Variants in FOXN3 observed in about 807,000 individuals in gnomAD.
The protein encoded by FOXN3 is forkhead box N3.
FOXN3 carries 7 observed loss-of-function variants against 38.4 expected under a neutral mutation model. That is an observed-to-expected ratio of 0.18 (90% CI 0.10 to 0.34). The LOEUF (loss-of-function observed/expected upper bound fraction) is 0.34, where lower values mean the gene tolerates loss of function less well. Ranked by LOEUF, FOXN3 falls within the 10% of genes least tolerant of loss-of-function variation. The pLI is 1.00. For synonymous variants in FOXN3, 230 were observed against 242.2 expected, an observed-to-expected ratio of 0.95 and a Z score of 0.47; for missense variants, 456 against 613.4, an observed-to-expected ratio of 0.74 and a Z score of 2.71.
chr14:89,180,685 C>A lies in FOXN3; in HGVS notation c.851+16G>T, dbSNP rs370301252. The A allele has an allele frequency of 9.5e-6, 15 of 1,580,932 alleles. No homozygotes were observed. The highest frequency in any genetic ancestry group is 1.7e-5 in the Admixed American group (1 of 57,616). ...CACTCCCCAGGCTGGCTCTGCCCAG[C>A]GCACTCCCCACTTACCTCATGGCCG... is the stretch of plus-strand genomic sequence containing the variant. On this transcript the variant is annotated intron_variant, in intron 5 of 5. Coordinates refer to ENST00000557258, the MANE Select transcript of FOXN3 (RefSeq NM_005197.4).
intron 1 of FOXN3, among the ~76,000 whole-genome samples, chr14:89,584,519 G>A (rs67515458): frequency 0.2 from 30,454 of 152,080 alleles, 3,927 homozygotes; most frequent in East Asian, 0.43. Flanking sequence ...GAGAGTTTCC[G>A]TTTCTTTACA....
intron 1 of FOXN3, among the ~76,000 whole-genome samples, chr14:89,455,463 G>A (rs181631095): frequency 1.3e-5 from 2 of 152,290 alleles, no homozygotes; most frequent in Admixed American, 6.5e-5. Context: ...CCATCTAATG[G>A]GTGGGGGCAG....
intron 1 of FOXN3, among the ~76,000 whole-genome samples, chr14:89,513,352 G>A (rs1894135341): frequency 6.6e-6 from 1 of 151,584 alleles, no homozygotes. Flanking sequence ...AGCCTCCTGA[G>A]CAGCTGGGAC....
In FOXN3 at chr14:89,511,141, T is replaced by TTTTCTTTTCTTTCTTTCTTTCTTTC. The variant is rs1894051126; in HGVS notation, c.-14-98652_-14-98651insGAAAGAAAGAAAGAAAGAAAAGAAA. 8.7e-3 allele frequency among the ~76,000 whole-genome samples: 183 copies of TTTTCTTTTCTTTCTTTCTTTCTTTC among 21,002 alleles called. 43 individuals carry two copies. Among genetic ancestry groups the TTTTCTTTTCTTTCTTTCTTTCTTTC allele is most frequent in the Non-Finnish European group, 0.025 (138 of 5,424 alleles). 13.8% of individuals were successfully genotyped at this position (21,002 alleles called of 152,430 possible). On this transcript the variant is annotated intron_variant, in intron 1 of 6. Transcript: ENST00000345097. ...CTTGGTGTCTTTCTTTCTTTCTTTC[T>TTTTCTTTTCTTTCTTTCTTTCTTTC]TTTCTTTCTTTCTTTCTTTCTTTCT...
chr14:89,421,032 A>C (rs1384070727), upstream of FOXN3, among the ~76,000 whole-genome samples: 1 of 151,098 alleles, frequency 6.6e-6, no homozygotes, highest in Non-Finnish European at 1.5e-5. Context: ...CTGTTTAAGA[A>C]AAAAAAAAAT....
At chr14:89,274,655 C>A (rs1396814126) in intron 4 of FOXN3, among the ~76,000 whole-genome samples, 1 of 152,166 alleles carries the variant, frequency 6.6e-6, no homozygotes, top group South Asian at 2.1e-4. Context: ...TGCTAAAGCC[C>A]GTGCTCCTTC....
At chr14:89,257,858 C>T (rs778848119) in intron 4 of FOXN3, among the ~76,000 whole-genome samples, 2 of 152,164 alleles carry the variant, frequency 1.3e-5, no homozygotes, top group Non-Finnish European at 2.9e-5. Flanking sequence ...ATTTTAACCT[C>T]AGAGCAATGC....
chr14:89,555,880 TGG>T lies in FOXN3; in HGVS notation c.-15+63146_-15+63147del, dbSNP rs57759148. 3.0e-3 allele frequency among the ~76,000 whole-genome samples: 303 copies of T among 99,700 alleles called. 39 individuals carry two copies. The East Asian group carries it at 0.034, about 11-fold the overall frequency. 65.4% of individuals were successfully genotyped at this position (99,700 alleles called of 152,430 possible). On this transcript the variant is annotated intron_variant, in intron 1 of 6. Transcript: ENST00000345097. Reference sequence around the variant, plus strand: ...GTGTGTGTGTGTGTGTGTGTGTATGTGGGGGTGTATGTGGGGGTGTGTGTGTT... The same window carrying T: ...GTGTGTGTGTGTGTGTGTGTGTATGTGGGTGTATGTGGGGGTGTGTGTGTT...
At position 89,159,839 on chromosome 14, in the gene FOXN3, C is replaced by G. The variant is rs1038468225; in HGVS notation, c.*2575G>C. 1 of 152,148 alleles carries G rather than the reference C, an allele frequency of 6.6e-6. No individual in the cohort carries two copies. Among genetic ancestry groups the G allele is most frequent in the African/African-American group, 2.4e-5 (1 of 41,412 alleles). 9.4% of individuals were successfully genotyped at this position (152,148 alleles called of 1,614,324 possible). A position where few individuals can be genotyped will look rare whatever the true frequency, so the allele number is the denominator to read the frequency against. The stretch of plus-strand genomic sequence containing the variant: ...GGGAGACGGAGGGAACAGAGCACTG[C>G]GAAGATACTTTATTCCCACCTACAC... On this transcript the variant is annotated 3_prime_UTR_variant, in exon 6 of 6. Transcript: ENST00000557258.
chr14:89,278,721 A>G (rs1158807836), intron 4 of FOXN3, among the ~76,000 whole-genome samples: 1 of 152,178 alleles, frequency 6.6e-6, no homozygotes, highest in East Asian at 1.9e-4. Flanking sequence ...CTATTAACAG[A>G]GTTCCCTACT....
At chr14:89,219,155 AGGGAGGTGGT>A (rs1884375319) in intron 4 of FOXN3, among the ~76,000 whole-genome samples, 2 of 152,038 alleles carry the variant, frequency 1.3e-5, no homozygotes, top group Admixed American at 1.3e-4. Flanking sequence ...ATGTCAGGGG[AGGGAGGTGGT>A]GGGAGGTGAC....
intron 3 of FOXN3, among the ~76,000 whole-genome samples, chr14:89,344,268 A>G (rs78026524): frequency 1.4e-5 from 1 of 71,916 alleles, no homozygotes; most frequent in African/African-American, 1.0e-4. Flanking sequence ...CTCATTAAAG[A>G]AAAAAAAAAA....
chr14:89,567,255 G>A (rs141776161), intron 1 of FOXN3, among the ~76,000 whole-genome samples: 2 of 152,266 alleles, frequency 1.3e-5, no homozygotes, highest in Non-Finnish European at 2.9e-5. Context: ...CTCTGAATAA[G>A]CTGGAAATGT....
intron 3 of FOXN3, among the ~76,000 whole-genome samples, chr14:89,302,349 T>C (rs1364332764): frequency 6.6e-6 from 1 of 152,214 alleles, no homozygotes; most frequent in East Asian, 1.9e-4. Flanking sequence ...CTTTACAAAA[T>C]GTGGTAGCAC....
chr14:89,205,534 C>A (rs1888358425), intron 4 of FOXN3, among the ~76,000 whole-genome samples: 1 of 152,188 alleles, frequency 6.6e-6, no homozygotes, highest in Non-Finnish European at 1.5e-5. Context: ...TTAAGAGGAG[C>A]AGAACAACAC....
intron 3 of FOXN3, among the ~76,000 whole-genome samples, chr14:89,333,986 A>ATATC (rs1888350859): frequency 2.6e-5 from 3 of 115,530 alleles, no homozygotes; most frequent in African/African-American, 1.2e-4. Context: ...ATATATATAT[A>ATATC]TATATATATA....
intron 4 of FOXN3, among the ~76,000 whole-genome samples, chr14:89,181,443 T>G (rs1233298608): frequency 6.6e-6 from 1 of 152,134 alleles, no homozygotes; most frequent in East Asian, 1.9e-4. Context: ...TTATCTCTCG[T>G]AAAAGCCGAT....
chr14:89,454,247 T>TGAGCCGAGG (rs1468078512), intron 1 of FOXN3, among the ~76,000 whole-genome samples: 3 of 152,136 alleles, frequency 2.0e-5, no homozygotes, highest in African/African-American at 7.2e-5. Flanking sequence ...GAGGTTGCAG[T>TGAGCCGAGG]GAGCCGAGAT....
At chr14:89,232,426 TC>T (rs1206206538) in intron 4 of FOXN3, among the ~76,000 whole-genome samples, 2 of 152,198 alleles carry the variant, frequency 1.3e-5, no homozygotes, top group African/African-American at 4.8e-5. Flanking sequence ...CAATCTTCTA[TC>T]CACATTTCAA....
Sources: allele counts gnomAD v4.1 joint callset (sites outside exome capture counted in the v4.1 genomes callset), GRCh38; gene constraint gnomAD v4.1.1; transcripts MANE v1.5; gene names NCBI Gene and HGNC (gene_info 2026-07-23, HGNC 2026-07-21).